U2AF2: variants seen among roughly 807,000 people sequenced by gnomAD.
The protein encoded by U2AF2 is splicing factor U2AF 65 kDa subunit.
In U2AF2, 6 loss-of-function variants were observed where a neutral mutation model predicts 52.6. That is an observed-to-expected ratio of 0.11 (90% CI 0.06 to 0.23). U2AF2 has a LOEUF of 0.23. Ranked by LOEUF, U2AF2 falls within the 10% of genes least tolerant of loss-of-function variation. The pLI is 1.00. For synonymous variants in U2AF2, 284 were observed against 258.2 expected, an observed-to-expected ratio of 1.10 and a Z score of -0.96; for missense variants, 222 against 677.1, an observed-to-expected ratio of 0.33 and a Z score of 7.46.
intron 1 of U2AF2, among the ~76,000 whole-genome samples, chr19:55,658,446 G>C (rs1487320204): frequency 6.6e-6 from 1 of 152,112 alleles, no homozygotes; most frequent in African/African-American, 2.4e-5. Flanking sequence ...AGGGTTGAGG[G>C]AGCCTGCTGG....
At chr19:55,656,327 AG>A (rs1276343718) in intron 1 of U2AF2, among the ~76,000 whole-genome samples, 1 of 152,156 alleles carries the variant, frequency 6.6e-6, no homozygotes, top group Non-Finnish European at 1.5e-5. Flanking sequence ...AGAGTTGGGT[AG>A]GGGCTGTATT....
At chr19:55,664,679 C>G (rs943480852) in intron 7 of U2AF2, among the ~76,000 whole-genome samples, 1 of 152,178 alleles carries the variant, frequency 6.6e-6, no homozygotes, top group Non-Finnish European at 1.5e-5. Context: ...TCAGGCAGGA[C>G]TTGGGCTAGG....
At chr19:55,666,980 G>A (rs1168540490) in intron 7 of U2AF2, among the ~76,000 whole-genome samples, 1 of 152,202 alleles carries the variant, frequency 6.6e-6, no homozygotes, top group African/African-American at 2.4e-5. Context: ...ATTGCAGTAG[G>A]AGGTTGAAAG....
At chr19:55,669,763 C>T (rs1984768014) in intron 11 of U2AF2, 71 bp downstream of exon 11, 1 of 1,486,206 alleles carries the variant, frequency 6.7e-7, no homozygotes, top group East Asian at 2.4e-5. Context: ...CTTTCTTCCT[C>T]TCTTGCTCCC....
chr19:55,659,152 G>A (rs1983989510), intron 1 of U2AF2, 58 bp from the exon 2 acceptor site: 1 of 1,456,856 alleles, frequency 6.9e-7, no homozygotes, highest in African/African-American at 1.5e-5. Context: ...GCGCAGGGTG[G>A]GCTGGGCCCG....
chr19:55,666,299 C>T (rs907481690), intron 7 of U2AF2, among the ~76,000 whole-genome samples: 3 of 152,232 alleles, frequency 2.0e-5, no homozygotes, highest in African/African-American at 7.2e-5. Flanking sequence ...ACAGCCTCTG[C>T]TCCAGGTGTG....
intron 11 of U2AF2, among the ~76,000 whole-genome samples, chr19:55,672,643 G>T (rs1017604363): frequency 2.6e-5 from 4 of 151,054 alleles, no homozygotes; most frequent in Non-Finnish European, 4.4e-5. Flanking sequence ...AAATTGTTTT[G>T]TTTTTTTAAC....
chr19:55,659,030 T>C, intron 1 of U2AF2, 180 bp from the exon 2 acceptor site: 1 of 1,009,328 alleles, frequency 9.9e-7, no homozygotes, highest in South Asian at 3.6e-5. Context: ...CCTGGTCCCC[T>C]CATGGTCCCT....
At chr19:55,657,117 CG>C (rs1436967263) in intron 1 of U2AF2, among the ~76,000 whole-genome samples, 1 of 152,198 alleles carries the variant, frequency 6.6e-6, no homozygotes. Flanking sequence ...GCTGATTGGG[CG>C]GTTCTTTGAG....
At chr19:55,656,955 A>G (rs1389913443) in intron 1 of U2AF2, among the ~76,000 whole-genome samples, 1 of 152,274 alleles carries the variant, frequency 6.6e-6, no homozygotes, top group Non-Finnish European at 1.5e-5. Context: ...CAACACCTGG[A>G]TGGAGTAGAT....
intron 11 of U2AF2, among the ~76,000 whole-genome samples, chr19:55,670,463 T>C (rs1984831348): frequency 6.7e-6 from 1 of 148,882 alleles, no homozygotes. Context: ...TGCACCCTGC[T>C]GTCCCGTGCA....
rs1374556685 is a variant in U2AF2 at position 55,661,041 on chromosome 19, C to T, written c.338C>T (p.Ala113Val). 4.4e-6 allele frequency: 7 copies of T among 1,578,496 alleles called. No homozygotes were observed. Among genetic ancestry groups the T allele is most frequent in the Admixed American group, 1.7e-5 (1 of 57,958 alleles). ...CCGGCTTTTATTCCCTTTGAAGCTGCGGGTCAGATTCCAGCCACTGCTCTT... is the reference window on the plus strand; with the variant it reads ...CCGGCTTTTATTCCCTTTGAAGCTGTGGGTCAGATTCCAGCCACTGCTCTT... Reference protein sequence around the residue: ...TPMQYKAMQAAGQIPATALLP... With the variant: ...TPMQYKAMQAVGQIPATALLP... The change falls in exon 5 of 12, where the codon GCG becomes GTG. Residue 113 changes from alanine (A) to valine (V), a missense_variant. This residue lies in a region of U2AF2 where 35 missense variants were observed against 149.3 expected (regional missense o/e 0.23). Coordinates refer to ENST00000308924, the MANE Select transcript of U2AF2 (RefSeq NM_007279.3).
intron 7 of U2AF2, among the ~76,000 whole-genome samples, chr19:55,667,809 G>A (rs1264696237): frequency 6.6e-6 from 1 of 150,704 alleles, no homozygotes; most frequent in Admixed American, 6.6e-5. Flanking sequence ...CCTTTGAGAT[G>A]GAGTCTCACT....
intron 5 of U2AF2, chr19:55,662,246 T>C: frequency 2.6e-6 from 1 of 386,904 alleles, no homozygotes; most frequent in Non-Finnish European, 4.7e-6. Flanking sequence ...CCTGTGGCTG[T>C]CCCCCAACGC....
At position 55,668,414 on chromosome 19, in the gene U2AF2, C is replaced by A; in HGVS notation, c.743-93C>A. Reference sequence around the variant, plus strand: ...CTCGTCAGATCAGGCAGGAAGTGTTCTCTTTGGCAATTGAGGAGCTCGCCG... The same window carrying A: ...CTCGTCAGATCAGGCAGGAAGTGTTATCTTTGGCAATTGAGGAGCTCGCCG... On this transcript the variant is annotated intron_variant, in intron 7 of 11. Coordinates refer to ENST00000308924, the MANE Select transcript of U2AF2 (RefSeq NM_007279.3). The surrounding 1 kb of genome is among the most constrained non-coding windows in gnomAD (Gnocchi z 5.5). 1 of 1,281,452 alleles carries A rather than the reference C, an allele frequency of 7.8e-7. No homozygotes were observed. The highest frequency in any genetic ancestry group is 1.1e-6 in the Non-Finnish European group (1 of 931,804). The allele number at this position is 1,281,452 out of a possible 1,614,324, so 79.4% of individuals were successfully genotyped here.
Position 55,674,202 on chromosome 19 carries a change from A to C in U2AF2, c.*134A>C. 1 of 169,150 alleles carries C rather than the reference A, an allele frequency of 5.9e-6. No individual in the cohort carries two copies. The highest frequency in any genetic ancestry group is 9.2e-6 in the Non-Finnish European group (1 of 108,976). The allele number at this position is 169,150 out of a possible 1,614,324, so 10.5% of individuals were successfully genotyped here. On this transcript the variant is annotated 3_prime_UTR_variant, in exon 12 of 12. Transcript: ENST00000308924. ...CACACGACAGCCGGCAGCAACTGGA[A>C]TGGCAGCAATTAAGGGTGGGGGGCG... is the stretch of plus-strand genomic sequence containing the variant.
rs538958859 is a variant in U2AF2, at chr19:55,666,255, G to C, written c.743-2252G>C. On this transcript the variant is annotated intron_variant, in intron 7 of 11. Coordinates refer to ENST00000308924, the MANE Select transcript of U2AF2 (RefSeq NM_007279.3). Reference sequence around the variant, plus strand: ...ATCTTACAGATGAGGAAAGAGCTTCGGGACAATGGGGATCCCTGCTGGGTC... The same window carrying C: ...ATCTTACAGATGAGGAAAGAGCTTCCGGACAATGGGGATCCCTGCTGGGTC... 2.6e-5 allele frequency among the ~76,000 whole-genome samples: 4 copies of C among 152,290 alleles called. No individual in the cohort carries two copies. In the East Asian group the frequency reaches 5.8e-4, roughly 22 times the overall value.
intron 11 of U2AF2, chr19:55,670,867 C>T (rs1259247776): frequency 6.3e-6 from 1 of 157,574 alleles, no homozygotes; most frequent in Non-Finnish European, 1.4e-5. Context: ...CTGGCCCTGG[C>T]TTCCCTGCTG....
In U2AF2 at chr19:55,669,805, T is replaced by G. The variant is rs1284027485; in HGVS notation, c.1293+113T>G. ...TCTCCCCCTCCTCTTCTCCGCGCGC[T>G]CTTTCTTCCTCTCTCTCTCCTCTCG... On this transcript the variant is annotated intron_variant, in intron 11 of 11. Coordinates refer to ENST00000308924, the MANE Select transcript of U2AF2 (RefSeq NM_007279.3). The G allele has an allele frequency of 1.4e-5, 19 of 1,399,630 alleles. 2 individuals are homozygous for G. The East Asian group carries it at 3.5e-4, about 26-fold the overall frequency. 86.7% of individuals were successfully genotyped at this position (1,399,630 alleles called of 1,614,324 possible).
Sources: gnomAD v4.1 joint callset for allele counts (sites outside exome capture counted in the v4.1 genomes callset) on GRCh38, gnomAD v4.1.1 for gene constraint, gnomAD v4.1.1 regional missense constraint, Gnocchi (gnomAD v3.1) non-coding constraint, MANE v1.5 for transcripts, NCBI Gene and HGNC (gene_info 2026-07-23, HGNC 2026-07-21) for gene names.